ILKAP: variants seen among roughly 807,000 people sequenced by gnomAD.
The protein encoded by ILKAP is ILK associated serine/threonine phosphatase, also known as integrin-linked kinase-associated serine/threonine phosphatase 2C.
In ILKAP, 11 loss-of-function variants were observed where a neutral mutation model predicts 49.1. The ratio of observed to expected loss-of-function variants is 0.22; its 90% CI spans 0.14 to 0.37. The LOEUF is 0.37. ILKAP is among the 10% of genes least tolerant of loss of function. The pLI is 1.00. For missense variants in ILKAP, 363 were observed against 510.8 expected, an observed-to-expected ratio of 0.71 and a Z score of 2.79; for synonymous variants, 186 against 192.8, an observed-to-expected ratio of 0.96 and a Z score of 0.29.
chr2:238,176,232 C>T (rs1693451115), intron 9 of ILKAP, among the ~76,000 whole-genome samples: 1 of 144,816 alleles, frequency 6.9e-6, no homozygotes, highest in African/African-American at 2.6e-5. Context: ...CGCCTGGGTT[C>T]AAGTGATCCT....
At chr2:238,203,470 C>T (rs1347603670) in intron 1 of ILKAP, 29 bp downstream of exon 1, 18 of 1,230,074 alleles carry the variant, frequency 1.5e-5, no homozygotes, top group Non-Finnish European at 1.9e-5. Context: ...TCTCCCTTCC[C>T]TGGCCGGCCC....
At chr2:238,193,203 A>G (rs951121542) in intron 3 of ILKAP, among the ~76,000 whole-genome samples, 3 of 152,174 alleles carry the variant, frequency 2.0e-5, no homozygotes, top group African/African-American at 7.2e-5. Flanking sequence ...ATCCCTTAAC[A>G]GCCTTCTTTG....
chr2:238,203,668 G>C lies in ILKAP; in HGVS notation c.-115C>G. ...GGGCGGGCGACGGGCAGGGGCGGCC[G>C]GCGCCGTCAGTCACCTGCAGGGAGA... is the stretch of plus-strand genomic sequence containing the variant. On this transcript the variant is annotated 5_prime_UTR_variant, in exon 1 of 12. Coordinates refer to ENST00000254654, the MANE Select transcript of ILKAP (RefSeq NM_030768.3). 2 of 471,486 alleles carry C rather than the reference G, an allele frequency of 4.2e-6. No individual in the cohort carries two copies. Among genetic ancestry groups the C allele is most frequent in the Non-Finnish European group, 6.0e-6 (2 of 331,522 alleles). The allele number at this position is 471,486 out of a possible 1,614,324, so 29.2% of individuals were successfully genotyped here.
In ILKAP at chr2:238,184,013, T is replaced by C. The variant is rs1333860376; in HGVS notation, c.626+7A>G. On this transcript the variant is annotated splice_region_variant and intron_variant, in intron 7 of 11. Coordinates refer to ENST00000254654, the MANE Select transcript of ILKAP (RefSeq NM_030768.3). ...CCACTCAAACTTCATCATCAAGTTA[T>C]ACTTACTGGCTGGAAGCTTGTTTAA... is the stretch of plus-strand genomic sequence containing the variant. The C allele has an allele frequency of 6.4e-7, 1 of 1,551,920 alleles. No homozygotes were observed. Among genetic ancestry groups the C allele is most frequent in the Admixed American group, 1.7e-5 (1 of 59,890 alleles).
At chr2:238,178,784 T>A (rs775576710) in intron 9 of ILKAP, among the ~76,000 whole-genome samples, 2 of 149,310 alleles carry the variant, frequency 1.3e-5, no homozygotes, top group Non-Finnish European at 3.0e-5. Context: ...TACACTGATG[T>A]AAATCAATTA....
intron 4 of ILKAP, among the ~76,000 whole-genome samples, chr2:238,189,509 T>C (rs868409993): frequency 1.3e-5 from 2 of 152,148 alleles, no homozygotes; most frequent in Admixed American, 6.5e-5. Context: ...AAAGCACTAA[T>C]TGACAAACTG....
At chr2:238,192,370 T>C (rs1441009926) in intron 3 of ILKAP, among the ~76,000 whole-genome samples, 2 of 152,136 alleles carry the variant, frequency 1.3e-5, no homozygotes, top group African/African-American at 2.4e-5. Context: ...GCTTAGTACA[T>C]AATCAACTTT....
chr2:238,177,343 C>T (rs887353906), intron 9 of ILKAP, among the ~76,000 whole-genome samples: 4 of 152,156 alleles, frequency 2.6e-5, no homozygotes, highest in Non-Finnish European at 4.4e-5. Flanking sequence ...CATTTACCAT[C>T]TTAACCATTT....
intron 10 of ILKAP, 50 bp from the exon 11 acceptor site, chr2:238,171,074 T>TA (rs746059298): frequency 1.7e-6 from 2 of 1,201,184 alleles, no homozygotes; most frequent in Non-Finnish European, 2.3e-6. Flanking sequence ...AACCAAAAAA[T>TA]AAAAAATAAA....
chr2:238,183,876 G>A lies in ILKAP; in HGVS notation c.627-136C>T, dbSNP rs1030980558. 1.4e-5 allele frequency: 13 copies of A among 958,046 alleles called. No individual in the cohort carries two copies. The African/African-American group carries it at 1.5e-4, about 11-fold the overall frequency. The allele number at this position is 958,046 out of a possible 1,614,324, so 59.3% of individuals were successfully genotyped here. ...TGATACTTGCTTTTTTTCTGTTTTAGATTTAGCTAACGGTTATAAAAGCTG... is the reference window on the plus strand; with the variant it reads ...TGATACTTGCTTTTTTTCTGTTTTAAATTTAGCTAACGGTTATAAAAGCTG... On this transcript the variant is annotated intron_variant, in intron 7 of 11. Coordinates refer to ENST00000254654, the MANE Select transcript of ILKAP (RefSeq NM_030768.3).
chr2:238,193,507 C>A (rs1304376970), intron 3 of ILKAP, among the ~76,000 whole-genome samples: 8 of 152,220 alleles, frequency 5.3e-5, no homozygotes, highest in Non-Finnish European at 1.2e-4. Flanking sequence ...AGGCGTGAGC[C>A]ACCACGCCCA....
intron 11 of ILKAP, 29 bp from the exon 12 acceptor site, chr2:238,170,705 T>G: frequency 6.3e-7 from 1 of 1,595,536 alleles, no homozygotes; most frequent in South Asian, 1.1e-5. Flanking sequence ...AATGAGTGAA[T>G]GGAGTGACCC....
chr2:238,197,251 C>A (rs537557444), intron 1 of ILKAP, among the ~76,000 whole-genome samples: 2 of 152,316 alleles, frequency 1.3e-5, no homozygotes, highest in African/African-American at 4.8e-5. Context: ...AATCCACTTA[C>A]AAGAATTCCT....
At chr2:238,188,372 G>T in intron 4 of ILKAP, 115 bp from the exon 5 acceptor site, 1 of 1,277,056 alleles carries the variant, frequency 7.8e-7, no homozygotes, top group Non-Finnish European at 1.1e-6. Flanking sequence ...ATATCCTAAT[G>T]GCGCAAACAA....
At chr2:238,192,036 C>A (rs1376719539) in intron 3 of ILKAP, among the ~76,000 whole-genome samples, 2 of 141,212 alleles carry the variant, frequency 1.4e-5, no homozygotes, top group African/African-American at 2.6e-5. Context: ...CATGGTGAAA[C>A]CCCGTCTCTA....
At chr2:238,175,189 G>A (rs919367700) in intron 9 of ILKAP, among the ~76,000 whole-genome samples, 17 of 151,450 alleles carry the variant, frequency 1.1e-4, no homozygotes, top group African/African-American at 2.4e-4. Flanking sequence ...GCAATCACTC[G>A]CTGGGCTCAA....
rs138330423 is a variant in ILKAP, at chr2:238,190,177, C to A, written c.179-205G>T. 6.5e-3 allele frequency among the ~76,000 whole-genome samples: 984 copies of A among 152,184 alleles called. 17 individuals carry two copies. The highest frequency in any genetic ancestry group is 0.023 in the African/African-American group (942 of 41,518). On this transcript the variant is annotated intron_variant, in intron 3 of 11. Coordinates refer to ENST00000254654, the MANE Select transcript of ILKAP (RefSeq NM_030768.3). Reference sequence around the variant, plus strand: ...CAGTGAGAGAACATAAAGTTAAGATCCAGGCCCTGAGTCAAACTGACCCTG... The same window carrying A: ...CAGTGAGAGAACATAAAGTTAAGATACAGGCCCTGAGTCAAACTGACCCTG...
At chr2:238,171,096 G>A in intron 10 of ILKAP, 72 bp from the exon 11 acceptor site, 1 of 959,430 alleles carries the variant, frequency 1.0e-6, no homozygotes, top group Non-Finnish European at 1.6e-6. Flanking sequence ...AAAGGGCCTG[G>A]AGATGGAGAT....
chr2:238,189,338 C>G (rs1056985818), intron 4 of ILKAP, among the ~76,000 whole-genome samples: 1 of 152,166 alleles, frequency 6.6e-6, no homozygotes, highest in Non-Finnish European at 1.5e-5. Flanking sequence ...GAAAATCCCA[C>G]AGCTCAAGAA....
Sources: gnomAD v4.1 joint callset for allele counts (sites outside exome capture counted in the v4.1 genomes callset) on GRCh38, gnomAD v4.1.1 for gene constraint, MANE v1.5 for transcripts, NCBI Gene and HGNC (gene_info 2026-07-23, HGNC 2026-07-21) for gene names.